STK36: variants seen among roughly 807,000 people sequenced by gnomAD.
STK36 encodes the protein serine/threonine kinase 36, also known as serine/threonine-protein kinase 36.
Under a neutral mutation model 142.2 loss-of-function variants are expected in STK36, and 116 were observed. That is an observed-to-expected ratio of 0.82 (90% CI 0.70 to 0.95). STK36 has a LOEUF of 0.95. STK36 is among the 40% of genes least tolerant of loss of function. STK36 has a pLI of 0.00. For missense variants in STK36, 1,422 were observed against 1,617.2 expected, an observed-to-expected ratio of 0.88 and a Z score of 2.07; for synonymous variants, 619 against 641.7, an observed-to-expected ratio of 0.96 and a Z score of 0.53.
intron 26 of STK36, among the ~76,000 whole-genome samples, chr2:218,700,102 A>G (rs1267251272): frequency 6.6e-6 from 1 of 152,002 alleles, no homozygotes; most frequent in Non-Finnish European, 1.5e-5. Flanking sequence ...TTGTATTTTT[A>G]GTAGAGACAG....
intron 10 of STK36, among the ~76,000 whole-genome samples, chr2:218,684,106 C>CAT (rs1553602250): frequency 5.7e-4 from 60 of 105,178 alleles, no homozygotes; most frequent in African/African-American, 2.4e-3. Context: ...GCCTCACGAT[C>CAT]TTTTTTTTTT....
Position 218,699,407 on chromosome 2 carries a change from T to G in STK36, c.3804+59T>G. On this transcript the variant is annotated intron_variant, in intron 26 of 26. Transcript: ENST00000295709. ...CAGGGCCCCTATAGTTGACAACATT[T>G]CTCTGAGATCATCTGTAAGGAATTG... 3.2e-6 allele frequency: 5 copies of G among 1,556,040 alleles called. No homozygotes were observed. The South Asian group carries it at 3.7e-5, about 11-fold the overall frequency.
chr2:218,678,198 G>T (rs1940343781), intron 6 of STK36, among the ~76,000 whole-genome samples: 1 of 152,052 alleles, frequency 6.6e-6, no homozygotes, highest in African/African-American at 2.4e-5. Flanking sequence ...CAATCTTCCT[G>T]TCTCAACTCC....
chr2:218,685,069 C>T lies in STK36; in HGVS notation c.1237-16C>T. 1 of 1,613,950 alleles carries T rather than the reference C, an allele frequency of 6.2e-7. No individual in the cohort carries two copies. The highest frequency in any genetic ancestry group is 2.2e-5 in the East Asian group (1 of 44,876). ...TACACACTACTCCTGACCCCTTTCA[C>T]TCCCCTCTGCCTCAGGAGCCAGACA... is the stretch of plus-strand genomic sequence containing the variant. On this transcript the variant is annotated splice_polypyrimidine_tract_variant and intron_variant, in intron 10 of 26. Transcript: ENST00000295709.
chr2:218,686,551 G>A (rs912987221), intron 11 of STK36, among the ~76,000 whole-genome samples: 4 of 152,192 alleles, frequency 2.6e-5, no homozygotes, highest in Admixed American at 6.5e-5. Context: ...TTATAGGTAT[G>A]AGCTACTGCC....
At chr2:218,692,474 C>A in intron 15 of STK36, 109 bp from the exon 16 acceptor site, 2 of 1,509,288 alleles carry the variant, frequency 1.3e-6, no homozygotes, top group Non-Finnish European at 1.8e-6. Flanking sequence ...CTGCATTCTT[C>A]CCACTCCCTT....
rs754949469 is a variant in STK36 at position 218,697,179 on chromosome 2, C to T, written c.2727C>T (p.Ser909=). The T allele has an allele frequency of 1.9e-6, 3 of 1,613,984 alleles. No homozygotes were observed. The highest frequency in any genetic ancestry group is 2.5e-6 in the Non-Finnish European group (3 of 1,179,956). The change falls in exon 23 of 27, where the codon AGC becomes AGT. Residue 909 remains serine (S), a synonymous_variant. Transcript: ENST00000295709. ...AGCTTTCGCTATCCAGTCCACCAAGCCCTGAGCCAGACTGGACACTGATTT... is the reference window on the plus strand; with the variant it reads ...AGCTTTCGCTATCCAGTCCACCAAGTCCTGAGCCAGACTGGACACTGATTT... ...EGELSLSSPP[S]PEPDWTLISP... is the part of the protein sequence containing the mutation.
In STK36 at chr2:218,701,796, C is replaced by G. The variant is rs907776509; in HGVS notation, c.3805-70C>G. ...AATTCCTGGGTAAATGAGAGTCCTCCGCACCTGCCCCAGACACCACCATTT... is the reference window on the plus strand; with the variant it reads ...AATTCCTGGGTAAATGAGAGTCCTCGGCACCTGCCCCAGACACCACCATTT... On this transcript the variant is annotated intron_variant, in intron 26 of 26. Coordinates refer to ENST00000295709, the MANE Select transcript of STK36 (RefSeq NM_015690.5). 5 of 1,566,872 alleles carry G rather than the reference C, an allele frequency of 3.2e-6. No individual in the cohort carries two copies. The Admixed American group carries it at 8.9e-5, about 28-fold the overall frequency.
At chr2:218,692,549 G>A (rs369844758) in intron 15 of STK36, 34 bp from the exon 16 acceptor site, 1 of 1,592,948 alleles carries the variant, frequency 6.3e-7, no homozygotes, top group Non-Finnish European at 8.5e-7. Flanking sequence ...AAGAGCCTCA[G>A]GCCTTTGGAG....
intron 10 of STK36, among the ~76,000 whole-genome samples, chr2:218,683,439 TA>T (rs1252630232): frequency 6.6e-6 from 1 of 152,148 alleles, no homozygotes; most frequent in Admixed American, 6.5e-5. Flanking sequence ...CATGCCCAGC[TA>T]ATTTTTGTAT....
rs1941053365 is a variant in STK36 at position 218,692,643 on chromosome 2, C to G, written c.1976C>G (p.Ser659Cys). Residue 659 changes from serine (S) to cysteine (C), a missense_variant, in exon 16 of 27, where the codon TCC becomes TGC. By Grantham distance (112) the Ser-to-Cys change is moderately radical. This residue lies in a region of STK36 where 962 missense variants were observed against 1,167.5 expected (regional missense o/e 0.82). Transcript: ENST00000295709. Reference sequence around the variant, plus strand: ...AGTGAGGATATACCTGGAGCCATTTCCTCTGCCCTGGCAGCCATATGCACT... The same window carrying G: ...AGTGAGGATATACCTGGAGCCATTTGCTCTGCCCTGGCAGCCATATGCACT... ...EQSEDIPGAISSALAAICTAP... is the reference protein window; with the variant it reads ...EQSEDIPGAICSALAAICTAP... 6.2e-7 allele frequency: 1 copy of G among 1,613,724 alleles called. No individual in the cohort carries two copies. The highest frequency in any genetic ancestry group is 1.7e-5 in the Admixed American group (1 of 60,016).
Position 218,694,336 on chromosome 2 carries a change from T to C in STK36, c.2400+9T>C. Reference sequence around the variant, plus strand: ...ATGTCGTCTCTCTTGTGGTAAGTTTTTAACCTTCACCCTCCTCCCCTTTTC... The same window carrying C: ...ATGTCGTCTCTCTTGTGGTAAGTTTCTAACCTTCACCCTCCTCCCCTTTTC... On this transcript the variant is annotated intron_variant, in intron 20 of 26. Transcript: ENST00000295709. This position sits in a 1 kb window ranked among gnomAD's most constrained non-coding sequence, Gnocchi z 4.4. The C allele has an allele frequency of 6.2e-7, 1 of 1,613,248 alleles. No individual in the cohort carries two copies. Among genetic ancestry groups the C allele is most frequent in the Non-Finnish European group, 8.5e-7 (1 of 1,179,190 alleles).
chr2:218,701,068 T>G (rs1941422395), intron 26 of STK36, among the ~76,000 whole-genome samples: 1 of 150,968 alleles, frequency 6.6e-6, no homozygotes, highest in African/African-American at 2.4e-5. Flanking sequence ...TAATATAAAT[T>G]ATGACATCTC....
intron 10 of STK36, among the ~76,000 whole-genome samples, chr2:218,681,015 A>G (rs1315574265): frequency 6.6e-6 from 1 of 152,016 alleles, no homozygotes. Context: ...AGGCATTTAT[A>G]GTTTGCTGTT....
intron 10 of STK36, 49 bp from the exon 11 acceptor site, chr2:218,685,036 C>G (rs369714154): frequency 3.1e-6 from 5 of 1,610,180 alleles, no homozygotes; most frequent in Non-Finnish European, 4.2e-6. Context: ...GATCTACTAC[C>G]TTAGACTTAC....
chr2:218,688,942 A>G, intron 12 of STK36, 66 bp downstream of exon 12: 1 of 1,458,188 alleles, frequency 6.9e-7, no homozygotes, highest in Non-Finnish European at 9.1e-7. Context: ...TATCTCATTC[A>G]GATTGCCATC....
chr2:218,684,106 CTTTTTTTTTTTTTT>C (rs35807157), intron 10 of STK36, among the ~76,000 whole-genome samples: 29 of 105,176 alleles, frequency 2.8e-4, no homozygotes, highest in Admixed American at 8.8e-4. Context: ...GCCTCACGAT[CTTTTTTTTTTTTTT>C]TTTTTTTTGA....
rs775677490 is a variant in STK36, at chr2:218,698,990, G to C, written c.3446G>C (p.Ser1149Thr). The C allele has an allele frequency of 6.2e-7, 1 of 1,614,166 alleles. No homozygotes were observed. Among genetic ancestry groups the C allele is most frequent in the Non-Finnish European group, 8.5e-7 (1 of 1,180,028 alleles). The change falls in exon 26 of 27, where the codon AGC becomes ACC. Residue 1149 changes from serine to threonine, a missense_variant. Transcript: ENST00000295709. Reference sequence around the variant, plus strand: ...ATGGCCCTGCGTGGGGCACTGCAGAGCCAGTCTGGACTGCTCAGCCTTCTG... The same window carrying C: ...ATGGCCCTGCGTGGGGCACTGCAGACCCAGTCTGGACTGCTCAGCCTTCTG... ...HSMALRGALQ[S>T]QSGLLSLLLL...
chr2:218,680,910 C>G (rs988143493), intron 10 of STK36, among the ~76,000 whole-genome samples: 4 of 152,204 alleles, frequency 2.6e-5, no homozygotes, highest in African/African-American at 9.6e-5. Context: ...AATGAAAGTC[C>G]TCATTGAATC....
Sources: allele counts gnomAD v4.1 joint callset (sites outside exome capture counted in the v4.1 genomes callset), GRCh38; gene constraint gnomAD v4.1.1; regional missense constraint gnomAD v4.1.1; non-coding constraint Gnocchi (gnomAD v3.1); transcripts MANE v1.5; gene names NCBI Gene and HGNC (gene_info 2026-07-23, HGNC 2026-07-21).